The following ST18 variants were observed in gnomAD, a reference collection of about 807,000 sequenced individuals.
ST18 encodes the protein ST18 C2H2C-type zinc finger transcription factor, also known as suppression of tumorigenicity 18 protein.
ST18 carries 50 observed loss-of-function variants against 110.0 expected under a neutral mutation model. The ratio of observed to expected loss-of-function variants is 0.45; its 90% CI spans 0.36 to 0.58. The LOEUF is 0.58. Ranked by LOEUF, ST18 falls within the 20% of genes least tolerant of loss-of-function variation. The probability of loss-of-function intolerance (pLI) is 0.00; values close to 1 mark genes in which losing one functional copy is unlikely to be tolerated. For synonymous variants in ST18, 461 were observed against 452.4 expected, an observed-to-expected ratio of 1.02 and a Z score of -0.24; for missense variants, 1,306 against 1,280.1, an observed-to-expected ratio of 1.02 and a Z score of -0.31.
At chr8:52,242,436 C>CTCTCCATGGTGCAGTTT (rs1218683436) in intron 2 of ST18, among the ~76,000 whole-genome samples, 2 of 152,214 alleles carry the variant, frequency 1.3e-5, no homozygotes, top group Non-Finnish European at 2.9e-5. Context: ...AATGGCATGG[C>CTCTCCATGGTGCAGTTT]TCTCCATGGT....
chr8:52,321,027 A>G (rs968267146), intron 2 of ST18, among the ~76,000 whole-genome samples: 1 of 152,262 alleles, frequency 6.6e-6, no homozygotes, highest in Admixed American at 6.5e-5. Context: ...TTCAGTAAAC[A>G]TAATATGGAG....
intron 2 of ST18, among the ~76,000 whole-genome samples, chr8:52,345,178 G>A (rs1374841954): frequency 6.6e-6 from 1 of 151,870 alleles, no homozygotes; most frequent in Admixed American, 6.6e-5. Context: ...CCACCATGCT[G>A]TACACTAGAT....
At chr8:52,198,038 G>A (rs528865895) in intron 8 of ST18, among the ~76,000 whole-genome samples, 81 of 152,164 alleles carry the variant, frequency 5.3e-4, no homozygotes, top group Non-Finnish European at 4.6e-4. Context: ...TTTTTGAGAC[G>A]GAGTCTTGCT....
intron 16 of ST18, among the ~76,000 whole-genome samples, chr8:52,145,097 G>A (rs2056786937): frequency 1.3e-5 from 2 of 150,882 alleles, no homozygotes; most frequent in African/African-American, 4.9e-5. Flanking sequence ...AGTAAAAAGA[G>A]CCATTTTATT....
intron 2 of ST18, among the ~76,000 whole-genome samples, chr8:52,269,951 GGTCATCC>G (rs2095016954): frequency 1.3e-5 from 2 of 152,082 alleles, no homozygotes; most frequent in Non-Finnish European, 2.9e-5. Flanking sequence ...CTTATGTCAA[GGTCATCC>G]TTGAGTTTAA....
chr8:52,209,510 G>A (rs921315942), intron 8 of ST18, among the ~76,000 whole-genome samples: 3 of 152,016 alleles, frequency 2.0e-5, no homozygotes, highest in African/African-American at 7.2e-5. Context: ...AGTGGCTCAC[G>A]CCTGTAATCC....
chr8:52,378,054 ATTTG>A (rs1057424734), intron 2 of ST18, among the ~76,000 whole-genome samples: 43 of 152,310 alleles, frequency 2.8e-4, no homozygotes, highest in African/African-American at 1.0e-3. Context: ...GGAGATAAAA[ATTTG>A]TTTGGGAACT....
At chr8:52,388,677 A>C (rs534899585) in intron 2 of ST18, among the ~76,000 whole-genome samples, 1 of 151,870 alleles carries the variant, frequency 6.6e-6, no homozygotes, top group African/African-American at 2.4e-5. Context: ...TAGCGTAGGA[A>C]AGGAGAGAGA....
At chr8:52,324,337 G>GGATT (rs1220595711) in intron 2 of ST18, among the ~76,000 whole-genome samples, 13 of 151,926 alleles carry the variant, frequency 8.6e-5, no homozygotes, top group African/African-American at 3.1e-4. Flanking sequence ...ATGGATGGAT[G>GGATT]GATGGATAAA....
At chr8:52,117,457 C>T (rs2042964817) in intron 24 of ST18, among the ~76,000 whole-genome samples, 1 of 152,196 alleles carries the variant, frequency 6.6e-6, no homozygotes, top group South Asian at 2.1e-4. Flanking sequence ...TCCTTCTAGA[C>T]TATAAGTCTC....
chr8:52,314,292 G>A lies in ST18; in HGVS notation c.-464-84215C>T, dbSNP rs141668443. Among the ~76,000 whole-genome samples, 17 of 152,294 alleles carry A rather than the reference G, an allele frequency of 1.1e-4. No individual in the cohort carries two copies. In the East Asian group the frequency reaches 1.5e-3, roughly 14 times the overall value. ...GGCCATGGACACAGGACTGTGTGCC[G>A]CTGGTTGGGTGAGGATACAGATCTG... On this transcript the variant is annotated intron_variant, in intron 2 of 25. Coordinates refer to ENST00000689386, the MANE Select transcript of ST18 (RefSeq NM_001352837.2).
intron 13 of ST18, among the ~76,000 whole-genome samples, chr8:52,162,137 A>G (rs1178238515): frequency 1.3e-5 from 2 of 152,116 alleles, no homozygotes; most frequent in Non-Finnish European, 2.9e-5. Context: ...CTTGAACCTA[A>G]GAGGCGGAGG....
At chr8:52,233,439 T>A (rs1294127612) in intron 2 of ST18, among the ~76,000 whole-genome samples, 3 of 152,054 alleles carry the variant, frequency 2.0e-5, no homozygotes, top group Non-Finnish European at 2.9e-5. Context: ...CCAGGGTGTG[T>A]AGTTTGAGTG....
intron 11 of ST18, 34 bp downstream of exon 11, chr8:52,166,818 T>A (rs956278908): frequency 1.3e-6 from 2 of 1,517,282 alleles, no homozygotes; most frequent in Non-Finnish European, 8.9e-7. Flanking sequence ...CTGGCGTGCA[T>A]AAGCAGAAGC....
At chr8:52,276,615 C>T (rs941954911) in intron 2 of ST18, among the ~76,000 whole-genome samples, 17 of 152,144 alleles carry the variant, frequency 1.1e-4, no homozygotes, top group African/African-American at 4.1e-4. Context: ...TCTCTCTGAT[C>T]ATGCACCCCC....
chr8:52,247,344 TA>T (rs567380258), intron 2 of ST18, among the ~76,000 whole-genome samples: 34 of 152,296 alleles, frequency 2.2e-4, no homozygotes, highest in Admixed American at 6.5e-4. Flanking sequence ...CAAGTTTGCA[TA>T]AACCAAAAGT....
At chr8:52,341,539 A>G (rs1254125173) in intron 2 of ST18, among the ~76,000 whole-genome samples, 1 of 152,232 alleles carries the variant, frequency 6.6e-6, no homozygotes, top group Non-Finnish European at 1.5e-5. Flanking sequence ...CCTTCAGATG[A>G]AGGGATTATC....
At chr8:52,166,766 T>C (rs532521242) in intron 11 of ST18, 86 bp downstream of exon 11, 2 of 1,379,340 alleles carry the variant, frequency 1.4e-6, no homozygotes, top group African/African-American at 2.9e-5. Context: ...TTTCCATTCC[T>C]AATTCCAAAT....
intron 2 of ST18, among the ~76,000 whole-genome samples, chr8:52,339,066 G>T (rs1813597382): frequency 6.6e-6 from 1 of 152,084 alleles, no homozygotes; most frequent in South Asian, 2.1e-4. Context: ...CTCTGCTTAG[G>T]GTTTCATGAG....
Sources: gnomAD v4.1 joint callset for allele counts (sites outside exome capture counted in the v4.1 genomes callset) on GRCh38, gnomAD v4.1.1 for gene constraint, MANE v1.5 for transcripts, NCBI Gene and HGNC (gene_info 2026-07-23, HGNC 2026-07-21) for gene names.